LAMC3: variants seen among roughly 807,000 people sequenced by gnomAD.
The protein encoded by LAMC3 is laminin subunit gamma 3.
In LAMC3, 128 loss-of-function variants were observed where a neutral mutation model predicts 173.8. The observed-to-expected ratio is 0.74, with a 90% CI of 0.64 to 0.85. LAMC3 has a LOEUF of 0.85. Ranked by LOEUF, LAMC3 falls within the 40% of genes least tolerant of loss-of-function variation. The pLI, the probability that LAMC3 is intolerant of heterozygous loss-of-function variation, is 0.00. For synonymous variants in LAMC3, 897 were observed against 909.1 expected, an observed-to-expected ratio of 0.99 and a Z score of 0.24; for missense variants, 2,022 against 2,156.0, an observed-to-expected ratio of 0.94 and a Z score of 1.23.
chr9:131,016,259 T>C (rs1387781872), intron 1 of LAMC3, among the ~76,000 whole-genome samples: 1 of 151,176 alleles, frequency 6.6e-6, no homozygotes, highest in Admixed American at 6.6e-5. Flanking sequence ...GGAGGGGCAA[T>C]GGAGAGTGAC....
intron 11 of LAMC3, 32 bp from the exon 12 acceptor site, chr9:131,056,896 TC>T (rs1361180368): frequency 6.4e-7 from 1 of 1,568,384 alleles, no homozygotes; most frequent in South Asian, 1.1e-5. Context: ...AGCTTGTGCC[TC>T]CTCTCTTCCT....
chr9:131,082,200 G>A lies in LAMC3; in HGVS notation c.4030+39G>A, dbSNP rs369540777. On this transcript the variant is annotated intron_variant, in intron 24 of 27. Coordinates refer to ENST00000361069, the MANE Select transcript of LAMC3 (RefSeq NM_006059.4). ...GCTGACCACTAGGCTGTGTAATGAC[G>A]AACGCCCCTGACAGCCACTCACCTC... 35 of 1,460,972 alleles carry A rather than the reference G, an allele frequency of 2.4e-5. No homozygotes were observed. In the East Asian group the frequency reaches 4.7e-4, roughly 20 times the overall value. The allele number at this position is 1,460,972 out of a possible 1,614,324, so 90.5% of individuals were successfully genotyped here.
At chr9:131,090,305 C>T (rs1830402424) in intron 27 of LAMC3, among the ~76,000 whole-genome samples, 1 of 152,226 alleles carries the variant, frequency 6.6e-6, no homozygotes, top group South Asian at 2.1e-4. Context: ...TGGCCTTGTG[C>T]TTGGCCTGGG....
rs1183548078 is a variant in LAMC3, at chr9:131,041,516, G to C, written c.1284-121G>C. ...AGATGGGAACAGTAAAGCCAGGTCA[G>C]TTACCTGCGTCAGCCTCACTCCTGA... is the stretch of plus-strand genomic sequence containing the variant. On this transcript the variant is annotated intron_variant, in intron 6 of 27. Transcript: ENST00000361069. The C allele has an allele frequency of 7.0e-6, 6 of 856,760 alleles. No individual in the cohort carries two copies. In the South Asian group the frequency reaches 7.1e-5, roughly 10 times the overall value. 53.1% of individuals were successfully genotyped at this position (856,760 alleles called of 1,614,324 possible). A position where few individuals can be genotyped will look rare whatever the true frequency, so the allele number is the denominator to read the frequency against.
At chr9:131,069,600 G>T (rs1460023370) in intron 16 of LAMC3, 72 bp from the exon 17 acceptor site, 6 of 1,490,770 alleles carry the variant, frequency 4.0e-6, no homozygotes, top group Admixed American at 3.9e-5. Context: ...ACTGCCCCTG[G>T]CCCCTCTAAA....
At chr9:131,031,918 T>C in intron 2 of LAMC3, 127 bp from the exon 3 acceptor site, 1 of 1,547,506 alleles carries the variant, frequency 6.5e-7, no homozygotes, top group Non-Finnish European at 8.9e-7. Flanking sequence ...AGAATTGGCC[T>C]GAGCTCGGCC....
chr9:131,035,099 C>T (rs899759966), intron 3 of LAMC3, among the ~76,000 whole-genome samples: 11 of 152,232 alleles, frequency 7.2e-5, no homozygotes, highest in East Asian at 3.9e-4. Flanking sequence ...TATAGGCATG[C>T]GCTGCCACAC....
intron 1 of LAMC3, among the ~76,000 whole-genome samples, chr9:131,010,770 G>A (rs1267889404): frequency 2.6e-5 from 4 of 152,218 alleles, no homozygotes; most frequent in African/African-American, 7.2e-5. Flanking sequence ...ATGACTTGCC[G>A]AGGTGCAGAA....
intron 12 of LAMC3, among the ~76,000 whole-genome samples, chr9:131,058,219 G>T (rs1438350550): frequency 6.6e-6 from 1 of 152,170 alleles, no homozygotes; most frequent in Non-Finnish European, 1.5e-5. Flanking sequence ...GGGTTCAAGA[G>T]ATCCTCCCAC....
In LAMC3 at chr9:131,060,512, C is replaced by T. The variant is rs1260180224; in HGVS notation, c.2159-523C>T. Among the ~76,000 whole-genome samples the T allele has an allele frequency of 8.5e-5, 13 of 152,064 alleles. No individual in the cohort carries two copies. In the East Asian group the frequency reaches 1.5e-3, roughly 18 times the overall value. On this transcript the variant is annotated intron_variant, in intron 12 of 27. Coordinates refer to ENST00000361069, the MANE Select transcript of LAMC3 (RefSeq NM_006059.4). ...TACAAAAATTAGACAGGTGTGGTGA[C>T]GCACGCCTGTAACCCCAGCTACTTG...
intron 11 of LAMC3, among the ~76,000 whole-genome samples, chr9:131,055,423 CTTTTTTTT>C (rs56220728): frequency 1.8e-5 from 2 of 109,222 alleles, no homozygotes; most frequent in African/African-American, 7.1e-5. Context: ...TCTTTTCTTT[CTTTTTTTT>C]TTTTTTTTTT....
chr9:131,036,260 G>A lies in LAMC3; in HGVS notation c.904G>A (p.Glu302Lys), dbSNP rs1188602137. 1.2e-6 allele frequency: 2 copies of A among 1,613,298 alleles called. No homozygotes were observed. Among genetic ancestry groups the A allele is most frequent in the Admixed American group, 1.7e-5 (1 of 59,990 alleles). The change falls in exon 4 of 28, where the codon GAG becomes AAG. Residue 302 changes from glutamate (E) to lysine (K), a missense_variant. Glu to Lys is a moderately conservative substitution (Grantham distance 56, BLOSUM62 1). Coordinates refer to ENST00000361069, the MANE Select transcript of LAMC3 (RefSeq NM_006059.4). ...CQHNTTGTDCERCLPFFQDRP... is the reference protein window; with the variant it reads ...CQHNTTGTDCKRCLPFFQDRP... ...GCACAACACCACCGGCACAGACTGT[G>A]AGCGCTGCCTGCCCTTCTTCCAGGA... is the stretch of plus-strand genomic sequence containing the variant.
intron 1 of LAMC3, among the ~76,000 whole-genome samples, chr9:131,016,404 A>G (rs1833520302): frequency 1.3e-5 from 2 of 152,250 alleles, no homozygotes; most frequent in African/African-American, 4.8e-5. Flanking sequence ...ATTTCACCAC[A>G]ATAAAAGAAG....
intron 11 of LAMC3, among the ~76,000 whole-genome samples, chr9:131,055,981 G>A (rs1564378749): frequency 6.6e-6 from 1 of 151,932 alleles, no homozygotes; most frequent in African/African-American, 2.4e-5. Context: ...GAGTCCTTGA[G>A]GCCAGGAGTT....
intron 13 of LAMC3, among the ~76,000 whole-genome samples, chr9:131,065,059 A>AG (rs1554788915): frequency 0.011 from 1,454 of 135,244 alleles, 99 homozygotes; most frequent in African/African-American, 0.018. Context: ...AAAAAAAAAA[A>AG]GAAAAGGAAA....
rs554763730 is a variant in LAMC3, at chr9:131,092,987, G to A, written c.*1200G>A. ...CCCAGCCCCCTCCCGTGGCTCCCCT[G>A]ACAGGGGCAGGGGTAGGGCAGCAGC... On this transcript the variant is annotated 3_prime_UTR_variant, in exon 28 of 28. Coordinates refer to ENST00000361069, the MANE Select transcript of LAMC3 (RefSeq NM_006059.4). 6.6e-6 allele frequency: 1 copy of A among 152,580 alleles called. No individual in the cohort carries two copies. Among genetic ancestry groups the A allele is most frequent in the South Asian group, 2.1e-4 (1 of 4,826 alleles). The allele number at this position is 152,580 out of a possible 1,614,324, so 9.5% of individuals were successfully genotyped here. A position where few individuals can be genotyped will look rare whatever the true frequency, so the allele number is the denominator to read the frequency against.
chr9:131,051,933 A>T (rs1246640115), intron 9 of LAMC3, among the ~76,000 whole-genome samples: 1 of 152,206 alleles, frequency 6.6e-6, no homozygotes, highest in African/African-American at 2.4e-5. Context: ...GGTACCGCAC[A>T]GCGCTTGGTG....
In LAMC3 at chr9:131,009,769, C is replaced by G. The variant is rs541267001; in HGVS notation, c.373+182C>G. ...CGGTGGCTCACTCCTGAAATCCCAGCACTTTGGGAGGCCGAGATGGGAGGG... is the reference window on the plus strand; with the variant it reads ...CGGTGGCTCACTCCTGAAATCCCAGGACTTTGGGAGGCCGAGATGGGAGGG... On this transcript the variant is annotated intron_variant, in intron 1 of 27. Coordinates refer to ENST00000361069, the MANE Select transcript of LAMC3 (RefSeq NM_006059.4). The surrounding 1 kb of genome is among the most constrained non-coding windows in gnomAD (Gnocchi z 4.3). Among the ~76,000 whole-genome samples the G allele has an allele frequency of 6.6e-6, 1 of 152,252 alleles. No individual in the cohort carries two copies. Among genetic ancestry groups the G allele is most frequent in the South Asian group, 2.1e-4 (1 of 4,820 alleles).
In LAMC3 at chr9:131,057,162, AC is replaced by A; in HGVS notation, c.2158+19del. The A allele has an allele frequency of 6.2e-7, 1 of 1,609,798 alleles. No homozygotes were observed. The highest frequency in any genetic ancestry group is 2.2e-5 in the East Asian group (1 of 44,852). ...CCCCAACACAGGTGAGTCTCCTGGCACCCCATCCGAAGGCACCTGGGTTATA... is the reference window on the plus strand; with the variant it reads ...CCCCAACACAGGTGAGTCTCCTGGCACCCATCCGAAGGCACCTGGGTTATA... On this transcript the variant is annotated intron_variant, in intron 12 of 27. Transcript: ENST00000361069.
Sources: allele counts gnomAD v4.1 joint callset (sites outside exome capture counted in the v4.1 genomes callset), GRCh38; gene constraint gnomAD v4.1.1; non-coding constraint Gnocchi (gnomAD v3.1); transcripts MANE v1.5; gene names NCBI Gene and HGNC (gene_info 2026-07-23, HGNC 2026-07-21).